NDUFA5: variants seen among roughly 807,000 people sequenced by gnomAD.
NDUFA5 encodes the protein NADH:ubiquinone oxidoreductase subunit A5, also known as NADH dehydrogenase [ubiquinone] 1 alpha subcomplex subunit 5.
Under a neutral mutation model 19.8 loss-of-function variants are expected in NDUFA5, and 11 were observed. The ratio of observed to expected loss-of-function variants is 0.56; its 90% confidence interval spans 0.35 to 0.92. NDUFA5 has a LOEUF of 0.92. Ranked by LOEUF, NDUFA5 falls within the 40% of genes least tolerant of loss-of-function variation. NDUFA5 has a pLI of 0.01. For missense variants in NDUFA5, 109 were observed against 134.2 expected (o/e 0.81, Z 0.93); for synonymous variants, 47 against 46.8 (o/e 1.00, Z -0.01).
At chr7:123,593,889 A>G in the NDUFA5 span, among the ~76,000 whole-genome samples, 11 of 152,078 alleles carry the variant, frequency 7.2e-5, no homozygotes, top group Non-Finnish European at 1.6e-4. Flanking sequence ...AACTTGGTTC[A>G]ATTCTCCCCG....
chr7:123,543,458 C>T (rs1469526906), intron 4 of NDUFA5, among the ~76,000 whole-genome samples: 1 of 152,082 alleles, frequency 6.6e-6, no homozygotes, highest in African/African-American at 2.4e-5. Context: ...CTACTGGGGA[C>T]TTGAAATGCA....
At chr7:123,557,871 GC>G, upstream of NDUFA5, 3 of 1,605,320 alleles carry the variant, frequency 1.9e-6, no homozygotes, top group South Asian at 3.3e-5. Flanking sequence ...CACCGAGGTC[GC>G]CACTCTGTCA....
In NDUFA5 at chr7:123,539,675, C is replaced by T. The variant is rs1417353536; in HGVS notation, c.*2444G>A. The T allele has an allele frequency of 6.6e-6, 1 of 152,184 alleles. No homozygotes were observed. The highest frequency in any genetic ancestry group is 1.5e-5 in the Non-Finnish European group (1 of 68,040). 9.4% of individuals were successfully genotyped at this position (152,184 alleles called of 1,614,324 possible). ...TGGGAAAAGACTGAAGGAGTAAAAACGATCAGGTGTAAAGTTCTGTGAGCA... is the reference window on the plus strand; with the variant it reads ...TGGGAAAAGACTGAAGGAGTAAAAATGATCAGGTGTAAAGTTCTGTGAGCA... On this transcript the variant is annotated 3_prime_UTR_variant, in exon 5 of 5. Transcript: ENST00000355749.
intron 2 of NDUFA5, chr7:123,556,124 G>T (rs1798530044): frequency 1.3e-5 from 2 of 152,192 alleles, no homozygotes; most frequent in Admixed American, 6.5e-5. Flanking sequence ...TAAGAGAAAG[G>T]AAGGAATCAA....
intron 2 of NDUFA5, chr7:123,556,578 G>C (rs1798549205): frequency 4.3e-6 from 1 of 231,412 alleles, no homozygotes; most frequent in Admixed American, 4.7e-5. Context: ...AGTAAAGAAA[G>C]CGCATGATGG....
At chr7:123,557,736 C>T (rs753062394) in intron 1 of NDUFA5, 39 bp downstream of exon 1, 17 of 1,614,060 alleles carry the variant, frequency 1.1e-5, no homozygotes, top group Non-Finnish European at 1.1e-5. Flanking sequence ...AGTCTACCCC[C>T]ACAGTCTAAA....
chr7:123,564,215 T>G, the NDUFA5 span, among the ~76,000 whole-genome samples: 1 of 152,198 alleles, frequency 6.6e-6, no homozygotes, highest in Non-Finnish European at 1.5e-5. Context: ...CTGGAGTACA[T>G]TAAATGAGTT....
the NDUFA5 span, among the ~76,000 whole-genome samples, chr7:123,599,550 T>C: frequency 6.6e-6 from 1 of 152,214 alleles, no homozygotes; most frequent in Non-Finnish European, 1.5e-5. Context: ...GCTGTAGCAG[T>C]GGCAGGTGCC....
At chr7:123,577,902 A>C in the NDUFA5 span, among the ~76,000 whole-genome samples, 1 of 151,954 alleles carries the variant, frequency 6.6e-6, no homozygotes, top group African/African-American at 2.4e-5. Context: ...TTACTTTTTT[A>C]AAAATTATAC....
At chr7:123,565,293 C>T in the NDUFA5 span, among the ~76,000 whole-genome samples, 18 of 152,124 alleles carry the variant, frequency 1.2e-4, no homozygotes, top group Admixed American at 2.0e-4. Context: ...TCTTCTTTGC[C>T]TTATTCTATA....
chr7:123,552,636 T>TAA lies in NDUFA5; in HGVS notation c.67-2052_67-2051dup, dbSNP rs774901648. On this transcript the variant is annotated intron_variant, in intron 2 of 4. Transcript: ENST00000355749. ...TGTACCCCAGAACTTAAAGTATAACTAAAAAAAAAAAAAAAAAAAAAAAAT... is the reference window on the plus strand; with the variant it reads ...TGTACCCCAGAACTTAAAGTATAACTAAAAAAAAAAAAAAAAAAAAAAAAAAT... Among the ~76,000 whole-genome samples, 151 of 67,392 alleles carry TAA rather than the reference T, an allele frequency of 2.2e-3. 1 individual carries two copies. The highest frequency in any genetic ancestry group is 7.4e-3 in the African/African-American group (137 of 18,506). The allele number at this position is 67,392 out of a possible 152,430, so 44.2% of individuals were successfully genotyped here.
chr7:123,581,018 T>C, the NDUFA5 span, among the ~76,000 whole-genome samples: 1 of 151,924 alleles, frequency 6.6e-6, no homozygotes, highest in African/African-American at 2.4e-5. Context: ...TGACTCTCCT[T>C]CCACTAGATG....
upstream of NDUFA5, among the ~76,000 whole-genome samples, chr7:123,560,211 C>A (rs1344692324): frequency 6.6e-6 from 1 of 152,076 alleles, no homozygotes; most frequent in East Asian, 1.9e-4. Flanking sequence ...CTTAGAAAAA[C>A]CCCACAACAT....
At chr7:123,549,082 G>A (rs575619039) in intron 3 of NDUFA5, among the ~76,000 whole-genome samples, 2 of 152,228 alleles carry the variant, frequency 1.3e-5, no homozygotes, top group East Asian at 3.9e-4. Flanking sequence ...CAAATACTAT[G>A]CCATTTTATA....
At chr7:123,549,103 G>C (rs991758909) in intron 3 of NDUFA5, among the ~76,000 whole-genome samples, 3 of 152,130 alleles carry the variant, frequency 2.0e-5, no homozygotes, top group Non-Finnish European at 4.4e-5. Flanking sequence ...TAAGGGACTT[G>C]AGCATCCTTG....
At chr7:123,562,723 G>C (rs147283173), upstream of NDUFA5, among the ~76,000 whole-genome samples, 1,999 of 151,978 alleles carry the variant, frequency 0.013, 22 homozygotes, top group Middle Eastern at 0.031. Context: ...TGGATGGCCT[G>C]GTCTATCCAG....
chr7:123,556,729 G>A, intron 2 of NDUFA5: 5 of 395,574 alleles, frequency 1.3e-5, no homozygotes, highest in South Asian at 4.0e-5. Flanking sequence ...AGTGTCAAAT[G>A]TGTCAAAAAA....
chr7:123,557,965 T>G, upstream of NDUFA5: 1 of 1,129,550 alleles, frequency 8.9e-7, no homozygotes, highest in South Asian at 1.4e-5. Context: ...AGAGAAAAAT[T>G]GACGCATGCG....
chr7:123,568,850 T>C, the NDUFA5 span, among the ~76,000 whole-genome samples: 3 of 152,046 alleles, frequency 2.0e-5, no homozygotes, highest in Non-Finnish European at 4.4e-5. Context: ...ATGAGAAAAT[T>C]AAGTATAAAA....
Sources: allele counts gnomAD v4.1 joint callset (sites outside exome capture counted in the v4.1 genomes callset), GRCh38; gene constraint gnomAD v4.1.1; transcripts MANE v1.5; gene names NCBI Gene and HGNC (gene_info 2026-07-23, HGNC 2026-07-21).